SPMIP10: variants seen among roughly 807,000 people sequenced by gnomAD.
SPMIP10 encodes the protein sperm microtubule inner protein 10.
the SPMIP10 span, among the ~76,000 whole-genome samples, chr5:126,635,020 T>A: frequency 0.06 from 9,116 of 151,130 alleles, 536 homozygotes; most frequent in African/African-American, 0.16. Context: ...AAAAAAAAAA[T>A]TATCCAGGCA....
the SPMIP10 span, among the ~76,000 whole-genome samples, chr5:126,634,767 G>T: frequency 1.3e-5 from 2 of 152,154 alleles, no homozygotes; most frequent in African/African-American, 4.8e-5. Context: ...TAAAGTGAAT[G>T]TGCCCACACT....
chr5:126,632,345 C>T, the SPMIP10 span, among the ~76,000 whole-genome samples: 1 of 141,968 alleles, frequency 7.0e-6, no homozygotes, highest in African/African-American at 2.6e-5. Context: ...GTTAGAATTA[C>T]AGATACCTGG....
At chr5:126,634,299 G>A in the SPMIP10 span, among the ~76,000 whole-genome samples, 1 of 152,272 alleles carries the variant, frequency 6.6e-6, no homozygotes, top group Middle Eastern at 3.4e-3. Context: ...GGGCATGATG[G>A]CACATGCCTG....
At chr5:126,632,766 T>C in the SPMIP10 span, 5 of 630,920 alleles carry the variant, frequency 7.9e-6, no homozygotes, top group Admixed American at 7.0e-5. Context: ...GGCGGGTGGA[T>C]CACTTGAGGT....
At chr5:126,635,451 G>C in the SPMIP10 span, among the ~76,000 whole-genome samples, 2 of 151,850 alleles carry the variant, frequency 1.3e-5, no homozygotes, top group African/African-American at 4.8e-5. Context: ...TTTTATATTT[G>C]AAAAAGCTGA....
the SPMIP10 span, among the ~76,000 whole-genome samples, chr5:126,635,376 G>C: frequency 6.6e-6 from 1 of 152,046 alleles, no homozygotes; most frequent in Admixed American, 6.6e-5. Flanking sequence ...ATACTTTGTA[G>C]TTGGCAAAGC....
At chr5:126,631,883 G>GTT in the SPMIP10 span, 3 of 991,010 alleles carry the variant, frequency 3.0e-6, no homozygotes, top group Non-Finnish European at 4.8e-6. Flanking sequence ...GAGCCACAAA[G>GTT]ATACGGTCAA....
the SPMIP10 span, among the ~76,000 whole-genome samples, chr5:126,632,306 T>C: frequency 6.9e-6 from 1 of 145,252 alleles, no homozygotes; most frequent in Non-Finnish European, 1.5e-5. Context: ...AAATGGACAT[T>C]GTGGGCAAAT....
chr5:126,632,540 C>T, the SPMIP10 span: 28 of 1,497,272 alleles, frequency 1.9e-5, no homozygotes, highest in East Asian at 4.3e-4. Flanking sequence ...CTTTCCTAAT[C>T]ATCAGGTATG....
At chr5:126,636,005 T>C in the SPMIP10 span, 2 of 1,551,472 alleles carry the variant, frequency 1.3e-6, no homozygotes, top group Non-Finnish European at 1.8e-6. Flanking sequence ...TTTGATGTGA[T>C]ACACAGAAGA....
the SPMIP10 span, among the ~76,000 whole-genome samples, chr5:126,633,022 T>TATATATATATATATATATATATATAA: frequency 1.4e-5 from 2 of 145,670 alleles, no homozygotes; most frequent in African/African-American, 5.2e-5. Flanking sequence ...TATATATATA[T>TATATATATATATATATATATATATAA]ATATATATAT....
At chr5:126,632,270 A>C in the SPMIP10 span, among the ~76,000 whole-genome samples, 48 of 147,930 alleles carry the variant, frequency 3.2e-4, no homozygotes, top group African/African-American at 1.1e-3. Flanking sequence ...AAAAAAAAAA[A>C]AAAAAAAAAA....
chr5:126,635,338 C>T, the SPMIP10 span, among the ~76,000 whole-genome samples: 1 of 152,224 alleles, frequency 6.6e-6, no homozygotes, highest in African/African-American at 2.4e-5. Context: ...ACAGTCATAA[C>T]AGCATCATCA....
At chr5:126,634,127 C>T in the SPMIP10 span, among the ~76,000 whole-genome samples, 1 of 152,172 alleles carries the variant, frequency 6.6e-6, no homozygotes, top group Non-Finnish European at 1.5e-5. Flanking sequence ...GGGATTCCAA[C>T]AGGCTTGTTT....
the SPMIP10 span, among the ~76,000 whole-genome samples, chr5:126,635,354 T>TA: frequency 1.3e-5 from 2 of 152,148 alleles, no homozygotes; most frequent in Non-Finnish European, 2.9e-5. Context: ...CATCATACTT[T>TA]AAACCTTTTT....
At chr5:126,633,248 A>AT in the SPMIP10 span, among the ~76,000 whole-genome samples, 2 of 152,054 alleles carry the variant, frequency 1.3e-5, no homozygotes, top group Non-Finnish European at 2.9e-5. Flanking sequence ...CAAAGCATAT[A>AT]TTTTTTAGAT....
the SPMIP10 span, chr5:126,636,250 G>A: frequency 6.2e-7 from 1 of 1,600,736 alleles, no homozygotes; most frequent in Non-Finnish European, 8.6e-7. Context: ...AATGAAAGAA[G>A]AATAAAATAA....
At chr5:126,633,043 G>T in the SPMIP10 span, among the ~76,000 whole-genome samples, 1 of 121,498 alleles carries the variant, frequency 8.2e-6, no homozygotes, top group African/African-American at 5.6e-5. Context: ...AATTTAGTAT[G>T]TCTGTGATAG....
At chr5:126,632,607 G>A in the SPMIP10 span, 1 of 1,611,920 alleles carries the variant, frequency 6.2e-7, no homozygotes, top group Non-Finnish European at 8.5e-7. Context: ...AAGACGTTAT[G>A]TCATGCCTTG....
Sources: allele counts gnomAD v4.1 joint callset (sites outside exome capture counted in the v4.1 genomes callset), GRCh38; gene constraint gnomAD v4.1.1; transcripts MANE v1.5; gene names NCBI Gene and HGNC (gene_info 2026-07-23, HGNC 2026-07-21).